NUSAP1: variants seen among roughly 807,000 people sequenced by gnomAD.
NUSAP1 encodes the protein nucleolar and spindle-associated protein 1.
A neutral mutation model predicts 52.8 loss-of-function variants in NUSAP1; 32 were observed. That is an observed-to-expected ratio of 0.61 (90% CI 0.46 to 0.81). NUSAP1 has a LOEUF of 0.81. Ranked by LOEUF, NUSAP1 falls within the 40% of genes least tolerant of loss-of-function variation. NUSAP1 has a pLI of 0.00. For synonymous variants in NUSAP1, 195 were observed against 183.1 expected (o/e 1.06, Z -0.52); for missense variants, 499 against 522.3 (o/e 0.96, Z 0.43).
chr15:41,375,610 C>A, intron 8 of NUSAP1, 102 bp from the exon 9 acceptor site: 1 of 797,370 alleles, frequency 1.3e-6, no homozygotes, highest in Non-Finnish European at 2.1e-6. Context: ...CATGCCCAGC[C>A]TATAACGTGT....
At chr15:41,352,428 G>C (rs1397342305) in intron 4 of NUSAP1, among the ~76,000 whole-genome samples, 1 of 152,026 alleles carries the variant, frequency 6.6e-6, no homozygotes, top group Non-Finnish European at 1.5e-5. Context: ...CCACCAAGCA[G>C]TTAAATCTGG....
At chr15:41,369,894 C>G (rs577199341) in intron 7 of NUSAP1, among the ~76,000 whole-genome samples, 3 of 150,922 alleles carry the variant, frequency 2.0e-5, no homozygotes, top group African/African-American at 7.3e-5. Flanking sequence ...AGTGAAACCC[C>G]GTCTCTGCTA....
chr15:41,377,421 C>T (rs978088636), intron 10 of NUSAP1, 117 bp downstream of exon 10: 21 of 542,902 alleles, frequency 3.9e-5, no homozygotes, highest in Admixed American at 1.6e-4. Context: ...GTATTATGGC[C>T]GTGTGCGGTG....
intron 8 of NUSAP1, 126 bp from the exon 9 acceptor site, chr15:41,375,586 C>G: frequency 1.6e-6 from 1 of 640,736 alleles, no homozygotes. Flanking sequence ...GCTGGGATTA[C>G]AGGTGTGGGC....
chr15:41,369,745 T>C (rs2049586294), intron 7 of NUSAP1, among the ~76,000 whole-genome samples: 1 of 152,008 alleles, frequency 6.6e-6, no homozygotes, highest in African/African-American at 2.4e-5. Context: ...ATTAATTGAA[T>C]GAAGGCTCAT....
At chr15:41,361,134 C>T (rs923592791) in intron 6 of NUSAP1, among the ~76,000 whole-genome samples, 13 of 151,106 alleles carry the variant, frequency 8.6e-5, no homozygotes, top group Admixed American at 2.0e-4. Context: ...TGGCTCACAC[C>T]TGTAATCCCA....
chr15:41,341,781 C>T (rs1174881072), intron 1 of NUSAP1, among the ~76,000 whole-genome samples: 1 of 152,192 alleles, frequency 6.6e-6, no homozygotes, highest in Non-Finnish European at 1.5e-5. Context: ...ATTGGTCACC[C>T]ACTGCCTTGC....
chr15:41,340,721 A>G (rs1395755779), intron 1 of NUSAP1, among the ~76,000 whole-genome samples: 2 of 152,160 alleles, frequency 1.3e-5, no homozygotes, highest in Non-Finnish European at 2.9e-5. Flanking sequence ...CTGCCCTGCC[A>G]ATCATCCCCT....
At chr15:41,345,152 A>G (rs1269310956) in intron 2 of NUSAP1, among the ~76,000 whole-genome samples, 1 of 151,906 alleles carries the variant, frequency 6.6e-6, no homozygotes, top group East Asian at 1.9e-4. Context: ...GCCTTGTATC[A>G]CCATTCCTGG....
At chr15:41,348,469 C>G (rs1339401691) in intron 2 of NUSAP1, among the ~76,000 whole-genome samples, 1 of 152,144 alleles carries the variant, frequency 6.6e-6, no homozygotes, top group African/African-American at 2.4e-5. Context: ...ATCCACCTGC[C>G]TCAGCTTCCC....
In NUSAP1 at chr15:41,371,545, A is replaced by C. The variant is rs779822270; in HGVS notation, c.867A>C (p.Lys289Asn). ...TATTTAGGTTTTCAGCTGCTACTAA[A>C]GATAATGAGCATAAGCGTTCACTGA... ...KTGVRFSAAT[K>N]DNEHKRSLTK... The change falls in exon 8 of 11, where the codon AAA becomes AAC. Residue 289 changes from lysine (K) to asparagine (N), a missense_variant. Coordinates refer to ENST00000559596, the MANE Select transcript of NUSAP1 (RefSeq NM_016359.5). 6.2e-6 allele frequency: 10 copies of C among 1,601,646 alleles called. No homozygotes were observed. In the African/African-American group the frequency reaches 8.1e-5, roughly 13 times the overall value.
chr15:41,377,410 GGT>G, intron 10 of NUSAP1, 106 bp downstream of exon 10: 1 of 607,660 alleles, frequency 1.6e-6, no homozygotes, highest in South Asian at 2.3e-5. Flanking sequence ...GGTTAGAAGT[GGT>G]ATTATGGCCG....
chr15:41,370,754 A>C (rs1368794367), intron 7 of NUSAP1, among the ~76,000 whole-genome samples: 1 of 146,460 alleles, frequency 6.8e-6, no homozygotes, highest in Non-Finnish European at 1.5e-5. Flanking sequence ...CATCTCAAAA[A>C]AAAAAAAAAA....
In NUSAP1 at chr15:41,359,964, T is replaced by G. The variant is rs560894566; in HGVS notation, c.660+1706T>G. ...CATTTGAAGGCACTGTTTGTCAAAC[T>G]TTTTTTTTTTTTGAGACTCAGTCTC... is the stretch of plus-strand genomic sequence containing the variant. On this transcript the variant is annotated intron_variant, in intron 6 of 10. Transcript: ENST00000559596. 9.7e-5 allele frequency among the ~76,000 whole-genome samples: 14 copies of G among 143,958 alleles called. No homozygotes were observed. The East Asian group carries it at 2.6e-3, about 27-fold the overall frequency. 94.4% of individuals were successfully genotyped at this position (143,958 alleles called of 152,430 possible).
chr15:41,378,944 G>GGT (rs1253258207), intron 10 of NUSAP1, among the ~76,000 whole-genome samples: 35 of 63,262 alleles, frequency 5.5e-4, no homozygotes, highest in African/African-American at 1.7e-3. Context: ...ACTTATCTTG[G>GGT]TTTTTTTTTT....
Position 41,332,999 on chromosome 15 carries a change from C to T in NUSAP1, c.42C>T (p.Tyr14=). The T allele has an allele frequency of 3.1e-6, 5 of 1,612,162 alleles. No homozygotes were observed. The highest frequency in any genetic ancestry group is 2.2e-5 in the East Asian group (1 of 44,842). ...TAGAGGAGCTGGACTCCCTCAAGTA[C>T]AGTGACCTGCAGAACTTAGCCAAGA... ...PSLEELDSLK[Y]SDLQNLAKSL... The change falls in exon 1 of 11, where the codon TAC becomes TAT. Residue 14 remains tyrosine, a synonymous_variant. Coordinates refer to ENST00000559596, the MANE Select transcript of NUSAP1 (RefSeq NM_016359.5).
intron 1 of NUSAP1, among the ~76,000 whole-genome samples, chr15:41,339,383 G>A (rs2048290572): frequency 6.6e-6 from 1 of 151,408 alleles, no homozygotes; most frequent in Non-Finnish European, 1.5e-5. Flanking sequence ...TGGGAAATAT[G>A]AGTGTTTATT....
chr15:41,345,394 C>G, intron 2 of NUSAP1: 1 of 386,716 alleles, frequency 2.6e-6, no homozygotes, highest in South Asian at 1.9e-5. Context: ...TTTAGCTCAT[C>G]TTGAAAAGGC....
chr15:41,362,074 G>A (rs1050349140), intron 6 of NUSAP1, among the ~76,000 whole-genome samples: 3 of 152,210 alleles, frequency 2.0e-5, no homozygotes, highest in African/African-American at 7.2e-5. Flanking sequence ...AACTATCTGG[G>A]TGTGGTGGCT....
Sources: allele counts gnomAD v4.1 joint callset (sites outside exome capture counted in the v4.1 genomes callset), GRCh38; gene constraint gnomAD v4.1.1; transcripts MANE v1.5; gene names NCBI Gene and HGNC (gene_info 2026-07-23, HGNC 2026-07-21).